Variants in TMEM132C observed in about 807,000 individuals in gnomAD.
TMEM132C encodes the protein transmembrane protein 132C.
In TMEM132C, 29 loss-of-function variants were observed where a neutral mutation model predicts 61.4. That is an observed-to-expected ratio of 0.47 (90% CI 0.35 to 0.64). The LOEUF is 0.64. Ranked by LOEUF, TMEM132C falls within the 30% of genes least tolerant of loss-of-function variation. TMEM132C has a pLI of 0.00. For synonymous variants in TMEM132C, 656 were observed against 633.1 expected (o/e 1.04, Z -0.54); for missense variants, 1,408 against 1,476.9 (o/e 0.95, Z 0.76).
chr12:128,604,755 TAATA>T (rs1472316220), intron 3 of TMEM132C, among the ~76,000 whole-genome samples: 2 of 151,612 alleles, frequency 1.3e-5, no homozygotes, highest in African/African-American at 2.4e-5. Context: ...GAGGGATAGA[TAATA>T]AATGGATGGA....
In TMEM132C at chr12:128,667,968, C is replaced by T. The variant is rs181612082; in HGVS notation, c.1306-1449C>T. On this transcript the variant is annotated intron_variant, in intron 4 of 8. Transcript: ENST00000435159. The stretch of plus-strand genomic sequence containing the variant: ...GGAAGGCACTTTGCTTTGCTTTAGT[C>T]TTCATTTTTTAAAAAATGAAGGTGC... Among the ~76,000 whole-genome samples, 271 of 152,280 alleles carry T rather than the reference C, an allele frequency of 1.8e-3. 3 individuals are homozygous for T. Among genetic ancestry groups the T allele is most frequent in the African/African-American group, 5.6e-3 (231 of 41,572 alleles).
In TMEM132C at chr12:128,324,330, G is replaced by C. The variant is rs1296779806; in HGVS notation, c.85+56843G>C. Among the ~76,000 whole-genome samples the C allele has an allele frequency of 2.0e-5, 3 of 152,180 alleles. No homozygotes were observed. In the East Asian group the frequency reaches 5.8e-4, roughly 29 times the overall value. The stretch of plus-strand genomic sequence containing the variant: ...TGCAAACCACTAGTAGTCTCCACCG[G>C]CCTAAAAGGAGAGGTTGATCAGCCA... On this transcript the variant is annotated intron_variant, in intron 1 of 8. Coordinates refer to ENST00000435159, the MANE Select transcript of TMEM132C (RefSeq NM_001136103.3).
chr12:128,421,062 G>A (rs553146179), intron 2 of TMEM132C, among the ~76,000 whole-genome samples: 34 of 152,136 alleles, frequency 2.2e-4, no homozygotes, highest in African/African-American at 5.1e-4. Context: ...TGAAGTACAC[G>A]GTGGTGAAGT....
At chr12:128,301,100 T>C (rs894833476) in intron 1 of TMEM132C, among the ~76,000 whole-genome samples, 2 of 152,018 alleles carry the variant, frequency 1.3e-5, no homozygotes, top group Non-Finnish European at 2.9e-5. Flanking sequence ...CCTTTTACCA[T>C]GCACACTGAT....
At chr12:128,309,014 G>T (rs189057809) in intron 1 of TMEM132C, among the ~76,000 whole-genome samples, 51 of 152,178 alleles carry the variant, frequency 3.4e-4, no homozygotes, top group African/African-American at 1.1e-3. Flanking sequence ...GGATATTTGG[G>T]GTGTCTGTGA....
intron 3 of TMEM132C, among the ~76,000 whole-genome samples, chr12:128,558,780 C>G (rs1311087367): frequency 2.0e-5 from 3 of 152,228 alleles, no homozygotes; most frequent in African/African-American, 7.2e-5. Context: ...GAGGGCAGTG[C>G]CCAGTCAGAG....
chr12:128,558,467 A>T (rs1435716706), intron 3 of TMEM132C, among the ~76,000 whole-genome samples: 3 of 152,218 alleles, frequency 2.0e-5, no homozygotes, highest in Non-Finnish European at 4.4e-5. Flanking sequence ...ACCATGTAAG[A>T]TGTGACTTTG....
chr12:128,455,191 G>C (rs1870300441), intron 2 of TMEM132C, among the ~76,000 whole-genome samples: 1 of 152,220 alleles, frequency 6.6e-6, no homozygotes, highest in Non-Finnish European at 1.5e-5. Context: ...TGAGTCTAAG[G>C]TGTGATTACA....
intron 3 of TMEM132C, among the ~76,000 whole-genome samples, chr12:128,562,533 G>A (rs1470195665): frequency 6.6e-6 from 1 of 152,120 alleles, no homozygotes. Flanking sequence ...AACTAGGCCG[G>A]CTAAATGGCA....
At chr12:128,458,250 A>G (rs1024834421) in intron 2 of TMEM132C, among the ~76,000 whole-genome samples, 1 of 138,480 alleles carries the variant, frequency 7.2e-6, no homozygotes, top group Non-Finnish European at 1.5e-5. Context: ...ATAATATAAT[A>G]TTTAGTATTA....
chr12:128,692,220 G>A (rs1954725726), intron 5 of TMEM132C, among the ~76,000 whole-genome samples: 1 of 152,040 alleles, frequency 6.6e-6, no homozygotes, highest in South Asian at 2.1e-4. Flanking sequence ...TCCTCCATCT[G>A]TCCATCTGTC....
At position 128,616,313 on chromosome 12, in the gene TMEM132C, T is replaced by C; in HGVS notation, c.1283T>C (p.Val428Ala). 6.4e-7 allele frequency: 1 copy of C among 1,551,914 alleles called. No individual in the cohort carries two copies. Among genetic ancestry groups the C allele is most frequent in the Non-Finnish European group, 8.7e-7 (1 of 1,146,984 alleles). The change falls in exon 4 of 9, where the codon GTG becomes GCG. Residue 428 changes from valine to alanine, a missense_variant. By Grantham distance (64) the Val-to-Ala change is moderately conservative. Coordinates refer to ENST00000435159, the MANE Select transcript of TMEM132C (RefSeq NM_001136103.3). ...ATCTTTGTCAGCCAGAAGGACCTGG[T>C]GGGCATCGTTCCCTTGGCTATGGTG... ...SEIFVSQKDLVGIVPLAMDTE... is the reference protein window; with the variant it reads ...SEIFVSQKDLAGIVPLAMDTE...
At chr12:128,643,166 A>G (rs1238933314) in intron 4 of TMEM132C, among the ~76,000 whole-genome samples, 1 of 152,198 alleles carries the variant, frequency 6.6e-6, no homozygotes, top group Non-Finnish European at 1.5e-5. Flanking sequence ...TTTGTCCAAT[A>G]TGTCAGTAAC....
chr12:128,497,932 G>A (rs995112874), intron 2 of TMEM132C, among the ~76,000 whole-genome samples: 1 of 152,108 alleles, frequency 6.6e-6, no homozygotes, highest in Non-Finnish European at 1.5e-5. Context: ...GCTGGGAGCT[G>A]TAGACTGAAG....
chr12:128,491,758 A>G (rs1463947813), intron 2 of TMEM132C, among the ~76,000 whole-genome samples: 1 of 151,586 alleles, frequency 6.6e-6, no homozygotes, highest in East Asian at 1.9e-4. Context: ...TCTCAACTGC[A>G]CCAGTTCCCA....
chr12:128,543,018 G>T (rs11609897), intron 2 of TMEM132C, among the ~76,000 whole-genome samples: 19,648 of 152,112 alleles, frequency 0.13, 1,901 homozygotes, highest in African/African-American at 0.27. Flanking sequence ...GTGTGCTCAA[G>T]CTGCTACTTG....
At chr12:128,364,925 C>T (rs561472362) in intron 1 of TMEM132C, among the ~76,000 whole-genome samples, 5 of 152,216 alleles carry the variant, frequency 3.3e-5, no homozygotes, top group Non-Finnish European at 7.3e-5. Context: ...CAGCTACAAC[C>T]CAGGTTTGGA....
chr12:128,295,590 C>A (rs143232256), intron 1 of TMEM132C, among the ~76,000 whole-genome samples: 2,110 of 150,008 alleles, frequency 0.014, 32 homozygotes, highest in African/African-American at 0.04. Flanking sequence ...CCTTACCCGA[C>A]TTCTTAGACT....
rs34927614 is a variant in TMEM132C at position 128,645,634 on chromosome 12, A to G, written c.1306-23783A>G. Reference sequence around the variant, plus strand: ...TGACTCAAGCCACCATTGCTAGCTCATCCCTCTCTTGGAAGTGTTTCTCTC... The same window carrying G: ...TGACTCAAGCCACCATTGCTAGCTCGTCCCTCTCTTGGAAGTGTTTCTCTC... On this transcript the variant is annotated intron_variant, in intron 4 of 8. Coordinates refer to ENST00000435159, the MANE Select transcript of TMEM132C (RefSeq NM_001136103.3). Among the ~76,000 whole-genome samples, 762 of 152,330 alleles carry G rather than the reference A, an allele frequency of 5.0e-3. 6 individuals carry two copies. Among genetic ancestry groups the G allele is most frequent in the African/African-American group, 0.017 (702 of 41,580 alleles).
Sources: gnomAD v4.1 joint callset for allele counts (sites outside exome capture counted in the v4.1 genomes callset) on GRCh38, gnomAD v4.1.1 for gene constraint, MANE v1.5 for transcripts, NCBI Gene and HGNC (gene_info 2026-07-23, HGNC 2026-07-21) for gene names.